Variants in LRP1B observed in about 807,000 individuals in gnomAD.
LRP1B encodes LDL receptor related protein 1B.
Under a neutral mutation model 556.6 loss-of-function variants are expected in LRP1B, and 217 were observed. That is an observed-to-expected ratio of 0.39 (90% CI 0.35 to 0.44). LRP1B has a LOEUF of 0.44. Among genes scored for constraint, LRP1B ranks in the 20% least tolerant of loss-of-function variants. The probability of loss-of-function intolerance (pLI) is 1.00; values close to 1 mark genes in which losing one functional copy is unlikely to be tolerated. For synonymous variants in LRP1B, 2,047 were observed against 1,865.8 expected (o/e 1.10, Z -2.50); for missense variants, 5,053 against 5,620.8 (o/e 0.90, Z 3.23).
rs747942649 is a variant in LRP1B at position 141,013,545 on chromosome 2, T to C, written c.2380+11A>G. 1.9e-4 allele frequency: 305 copies of C among 1,594,170 alleles called. 2 individuals are homozygous for C. In the Middle Eastern group the frequency reaches 2.0e-3, roughly 11 times the overall value. On this transcript the variant is annotated intron_variant, in intron 14 of 90. Transcript: ENST00000389484. ...TGAATCTCAGAAGCATTTTAATTTG[T>C]TTTTTAATACCTTGTTGCTTTCGTG...
intron 3 of LRP1B, among the ~76,000 whole-genome samples, chr2:141,471,793 G>A (rs929116124): frequency 6.6e-6 from 1 of 152,118 alleles, no homozygotes; most frequent in African/African-American, 2.4e-5. Context: ...TTAATCAATT[G>A]AATTTTGGAA....
chr2:141,337,687 A>G (rs1687898614), intron 3 of LRP1B, among the ~76,000 whole-genome samples: 1 of 152,172 alleles, frequency 6.6e-6, no homozygotes, highest in Admixed American at 6.5e-5. Flanking sequence ...ATTAAACCCA[A>G]CCAGTAAGTT....
intron 41 of LRP1B, among the ~76,000 whole-genome samples, chr2:140,686,991 G>A (rs1686072885): frequency 6.6e-6 from 1 of 152,098 alleles, no homozygotes; most frequent in Non-Finnish European, 1.5e-5. Context: ...GCAGAATAAT[G>A]ATTACAGGAT....
intron 7 of LRP1B, among the ~76,000 whole-genome samples, chr2:141,092,080 T>G (rs1700183936): frequency 6.6e-6 from 1 of 152,218 alleles, no homozygotes; most frequent in South Asian, 2.1e-4. Flanking sequence ...TAACCAGAAA[T>G]ATGCTATGCT....
At chr2:140,528,554 T>C (rs1223627077) in intron 47 of LRP1B, among the ~76,000 whole-genome samples, 1 of 151,734 alleles carries the variant, frequency 6.6e-6, no homozygotes, top group Non-Finnish European at 1.5e-5. Flanking sequence ...GGGACAAGGA[T>C]GGGCTATCAG....
intron 1 of LRP1B, among the ~76,000 whole-genome samples, chr2:141,909,380 T>G (rs947347100): frequency 6.6e-6 from 1 of 152,050 alleles, no homozygotes; most frequent in Non-Finnish European, 1.5e-5. Flanking sequence ...GGATGATGCT[T>G]AATTGTTAGA....
chr2:140,968,322 G>T (rs1371021083), intron 18 of LRP1B, among the ~76,000 whole-genome samples: 2 of 151,898 alleles, frequency 1.3e-5, no homozygotes, highest in East Asian at 1.9e-4. Context: ...TTGCACAGAG[G>T]TGTTTATAGT....
chr2:140,464,727 T>C (rs1395766702), intron 60 of LRP1B, among the ~76,000 whole-genome samples: 1 of 152,216 alleles, frequency 6.6e-6, no homozygotes, highest in African/African-American at 2.4e-5. Context: ...AGTCTGAGCC[T>C]GACTATAAGT....
intron 41 of LRP1B, among the ~76,000 whole-genome samples, chr2:140,657,563 A>G (rs1684924448): frequency 7.5e-6 from 1 of 133,694 alleles, no homozygotes; most frequent in South Asian, 2.4e-4. Context: ...ATATATATAT[A>G]TACACATACA....
rs370711185 is a variant in LRP1B, at chr2:140,335,641, A to G, written c.12090T>C (p.Tyr4030=). ...RLLTNMAGEP[Y]AIAVNPKRGM... is the part of the protein sequence containing the mutation. ...CTCTTTTAGGATTTACTGCAATAGCATAGGGTTCTCCAGCCATATTTGTTA... is the reference window on the plus strand; with the variant it reads ...CTCTTTTAGGATTTACTGCAATAGCGTAGGGTTCTCCAGCCATATTTGTTA... Residue 4030 remains tyrosine (Y), a synonymous_variant, in exon 78 of 91, where the codon TAT becomes TAC. Transcript: ENST00000389484. 28 of 1,610,708 alleles carry G rather than the reference A, an allele frequency of 1.7e-5. No homozygotes were observed. Among genetic ancestry groups the G allele is most frequent in the African/African-American group, 2.7e-5 (2 of 74,778 alleles).
intron 3 of LRP1B, among the ~76,000 whole-genome samples, chr2:141,297,168 T>G (rs979633647): frequency 2.6e-5 from 4 of 152,184 alleles, no homozygotes; most frequent in East Asian, 3.9e-4. Context: ...TGTCAACATA[T>G]GAGTGCATGT....
chr2:140,370,654 A>G (rs1249501297), intron 71 of LRP1B, 56 bp downstream of exon 71: 1 of 1,600,622 alleles, frequency 6.2e-7, no homozygotes, highest in Non-Finnish European at 8.5e-7. Flanking sequence ...TATTCTGCAC[A>G]GAACCTTAAC....
chr2:140,856,210 C>T (rs1260030511), intron 27 of LRP1B, among the ~76,000 whole-genome samples: 1 of 152,174 alleles, frequency 6.6e-6, no homozygotes, highest in Admixed American at 6.5e-5. Context: ...TCTTTTCCAC[C>T]TCCACATGAT....
chr2:140,259,572 A>C (rs1352322020), intron 86 of LRP1B, among the ~76,000 whole-genome samples: 1 of 152,066 alleles, frequency 6.6e-6, no homozygotes, highest in Non-Finnish European at 1.5e-5. Flanking sequence ...TGATAGAATG[A>C]TAAGTGTATC....
At chr2:140,906,972 T>TA (rs398060601) in intron 22 of LRP1B, among the ~76,000 whole-genome samples, 8,794 of 142,630 alleles carry the variant, frequency 0.062, 318 homozygotes, top group African/African-American at 0.098. Context: ...CCACATATGG[T>TA]AAAAAAAAAA....
chr2:141,963,113 A>G (rs2105058561), intron 1 of LRP1B, among the ~76,000 whole-genome samples: 1 of 151,988 alleles, frequency 6.6e-6, no homozygotes, highest in East Asian at 1.9e-4. Flanking sequence ...AAATCTGCAT[A>G]AAACTTATAT....
At chr2:140,240,006 G>A (rs1437231179) in intron 87 of LRP1B, among the ~76,000 whole-genome samples, 1 of 150,846 alleles carries the variant, frequency 6.6e-6, no homozygotes, top group Non-Finnish European at 1.5e-5. Context: ...TGAAACAAAA[G>A]GGGTATCAGT....
intron 21 of LRP1B, among the ~76,000 whole-genome samples, chr2:140,920,735 T>C (rs1694713665): frequency 6.6e-6 from 1 of 152,046 alleles, no homozygotes; most frequent in Non-Finnish European, 1.5e-5. Context: ...TAGAAGCAGA[T>C]GGATAAATTA....
intron 1 of LRP1B, among the ~76,000 whole-genome samples, chr2:141,911,867 G>T (rs575471814): frequency 1.3e-5 from 2 of 152,034 alleles, no homozygotes; most frequent in South Asian, 4.2e-4. Context: ...AATAAAATTT[G>T]TATGTGCTAC....
Sources: gnomAD v4.1 joint callset for allele counts (sites outside exome capture counted in the v4.1 genomes callset) on GRCh38, gnomAD v4.1.1 for gene constraint, MANE v1.5 for transcripts, NCBI Gene and HGNC (gene_info 2026-07-23, HGNC 2026-07-21) for gene names.